Variants in PPP4R1 observed in about 807,000 individuals in gnomAD.
PPP4R1 encodes the protein protein phosphatase 4 regulatory subunit 1, also known as serine/threonine-protein phosphatase 4 regulatory subunit 1.
Under a neutral mutation model 111.2 loss-of-function variants are expected in PPP4R1, and 42 were observed. That is an observed-to-expected ratio of 0.38 (90% CI 0.29 to 0.49). The LOEUF (loss-of-function observed/expected upper bound fraction) is 0.49, where lower values mean the gene tolerates loss of function less well. PPP4R1 is among the 20% of genes least tolerant of loss of function. The probability of loss-of-function intolerance (pLI) is 0.97; values close to 1 mark genes in which losing one functional copy is unlikely to be tolerated. For missense variants in PPP4R1, 1,012 were observed against 1,161.6 expected (o/e 0.87, Z 1.87); for synonymous variants, 409 against 405.5 (o/e 1.01, Z -0.10).
At chr18:9,576,358 T>A (rs1456741641) in intron 10 of PPP4R1, among the ~76,000 whole-genome samples, 2 of 152,188 alleles carry the variant, frequency 1.3e-5, no homozygotes, top group Admixed American at 6.5e-5. Context: ...TCCCGCATAC[T>A]AGTAAGTTAG....
At chr18:9,612,403 A>T (rs1221252816) in intron 2 of PPP4R1, 1 of 152,132 alleles carries the variant, frequency 6.6e-6, no homozygotes, top group Non-Finnish European at 1.5e-5. Flanking sequence ...CTGCTTGTAA[A>T]CCACTAGAGG....
intron 14 of PPP4R1, among the ~76,000 whole-genome samples, chr18:9,557,658 C>G (rs978391455): frequency 2.6e-5 from 4 of 152,222 alleles, no homozygotes; most frequent in Non-Finnish European, 4.4e-5. Context: ...ACATTGGACC[C>G]TGGCTCTGAC....
At chr18:9,548,884 C>A (rs2066443212) in intron 19 of PPP4R1, among the ~76,000 whole-genome samples, 3 of 152,222 alleles carry the variant, frequency 2.0e-5, no homozygotes, top group South Asian at 4.1e-4. Context: ...CACCATTGCA[C>A]TCCAGCCTGG....
rs994397880 is a variant in PPP4R1 at position 9,571,670 on chromosome 18, T to C, written c.1047-987A>G. On this transcript the variant is annotated intron_variant, in intron 10 of 19. Coordinates refer to ENST00000400556, the MANE Select transcript of PPP4R1 (RefSeq NM_001042388.3). ...AGTTGTGCTTAGAAGAACCAATACA[T>C]GTTTATGGGGCTAAGGGGAAGAAAA... Among the ~76,000 whole-genome samples the C allele has an allele frequency of 3.9e-5, 6 of 152,168 alleles. No homozygotes were observed. The South Asian group carries it at 6.2e-4, about 16-fold the overall frequency.
At chr18:9,569,887 C>T (rs1272713088) in intron 11 of PPP4R1, among the ~76,000 whole-genome samples, 1 of 151,942 alleles carries the variant, frequency 6.6e-6, no homozygotes, top group East Asian at 1.9e-4. Context: ...GTTGCTAGGA[C>T]TACAAGCATG....
At chr18:9,601,769 C>T (rs1018655240) in intron 2 of PPP4R1, among the ~76,000 whole-genome samples, 6 of 151,994 alleles carry the variant, frequency 3.9e-5, no homozygotes, top group East Asian at 2.0e-4. Flanking sequence ...CTGGGATTAC[C>T]GGCGTGAGCC....
chr18:9,586,795 C>A (rs537021243), intron 6 of PPP4R1, among the ~76,000 whole-genome samples: 1 of 152,262 alleles, frequency 6.6e-6, no homozygotes, highest in African/African-American at 2.4e-5. Context: ...TATCACTTTT[C>A]TAATTTACCA....
intron 13 of PPP4R1, among the ~76,000 whole-genome samples, chr18:9,561,393 T>C (rs1024297533): frequency 1.3e-5 from 2 of 152,056 alleles, no homozygotes; most frequent in Non-Finnish European, 2.9e-5. Context: ...GGGTGTGGCA[T>C]GGACACTGTG....
intron 3 of PPP4R1, 66 bp from the exon 4 acceptor site, chr18:9,593,940 T>G: frequency 7.6e-7 from 1 of 1,321,682 alleles, no homozygotes; most frequent in South Asian, 1.2e-5. Context: ...GAATTTTAAT[T>G]TTTTGAGACA....
At chr18:9,601,177 T>C (rs1294697647) in intron 2 of PPP4R1, among the ~76,000 whole-genome samples, 1 of 151,188 alleles carries the variant, frequency 6.6e-6, no homozygotes, top group Non-Finnish European at 1.5e-5. Context: ...AATACAGTGT[T>C]CAAACCAGGT....
chr18:9,563,613 G>A, intron 11 of PPP4R1, 63 bp from the exon 12 acceptor site: 1 of 1,410,262 alleles, frequency 7.1e-7, no homozygotes, highest in Non-Finnish European at 9.6e-7. Context: ...TTACAAGGCT[G>A]TTCTCCATTT....
intron 2 of PPP4R1, among the ~76,000 whole-genome samples, chr18:9,600,817 A>G (rs58800301): frequency 0.17 from 25,147 of 152,106 alleles, 2,912 homozygotes; most frequent in African/African-American, 0.33. Context: ...GGAGGCAGAC[A>G]TTTCAGTAAG....
intron 8 of PPP4R1, among the ~76,000 whole-genome samples, chr18:9,583,587 G>A (rs894509640): frequency 2.0e-5 from 3 of 151,488 alleles, no homozygotes; most frequent in South Asian, 2.1e-4. Flanking sequence ...GGCTGGTCTC[G>A]AACTCCTGAC....
intron 2 of PPP4R1, among the ~76,000 whole-genome samples, chr18:9,604,360 C>T (rs1476675404): frequency 1.3e-5 from 2 of 152,150 alleles, no homozygotes; most frequent in Admixed American, 1.3e-4. Context: ...CACGCCCTCC[C>T]TCCCAATCCC....
At chr18:9,561,933 GGAA>G (rs778188545) in intron 13 of PPP4R1, 44 bp downstream of exon 13, 3 of 1,476,444 alleles carry the variant, frequency 2.0e-6, no homozygotes, top group East Asian at 4.6e-5. Flanking sequence ...CTCTAAAAGA[GGAA>G]TTAGGAACAC....
At chr18:9,597,290 C>G (rs1490618759) in intron 2 of PPP4R1, among the ~76,000 whole-genome samples, 1 of 152,196 alleles carries the variant, frequency 6.6e-6, no homozygotes, top group Non-Finnish European at 1.5e-5. Flanking sequence ...ATTTCCAGAG[C>G]ACTAGGAGGG....
chr18:9,570,763 A>G, intron 10 of PPP4R1, 80 bp from the exon 11 acceptor site: 1 of 1,407,242 alleles, frequency 7.1e-7, no homozygotes, highest in Non-Finnish European at 9.4e-7. Flanking sequence ...GATATTACAT[A>G]TAGCATTTAG....
Position 9,593,880 on chromosome 18 carries a change from C to CA in PPP4R1, c.189-7dup, listed in dbSNP as rs199660486. The CA allele has an allele frequency of 5.5e-4, 874 of 1,600,368 alleles. 1 individual carries two copies. The African/African-American group carries it at 7.8e-3, about 14-fold the overall frequency. On this transcript the variant is annotated splice_polypyrimidine_tract_variant and splice_region_variant and intron_variant, in intron 3 of 19. Transcript: ENST00000400556. ...AACTCCGGGCCACCATTTGTCTACACAAAAAAAACAAAATTATGTATGTTC... is the reference window on the plus strand; with the variant it reads ...AACTCCGGGCCACCATTTGTCTACACAAAAAAAAACAAAATTATGTATGTTC...
In PPP4R1 at chr18:9,583,202, G is replaced by A. The variant is rs182385365; in HGVS notation, c.833C>T (p.Ala278Val). ...VRKACAECFMAVSCATCQEIR... is the reference protein window; with the variant it reads ...VRKACAECFMVVSCATCQEIR... Reference sequence around the variant, plus strand: ...TTCTTGACATGTTGCACATGAAACCGCCATGAAGCATTCAGCACAAGCCTT... The same window carrying A: ...TTCTTGACATGTTGCACATGAAACCACCATGAAGCATTCAGCACAAGCCTT... Residue 278 changes from alanine (A) to valine (V), a missense_variant, in exon 9 of 20, where the codon GCG becomes GTG. Physicochemically the swap from Ala to Val is moderately conservative, Grantham distance 64. Around this residue, in one of 2 missense-constraint regions of PPP4R1, gnomAD observed 707 missense variants for 742.1 expected, o/e 0.95. Transcript: ENST00000400556. 206 of 1,611,136 alleles carry A rather than the reference G, an allele frequency of 1.3e-4. No homozygotes were observed. The East Asian group carries it at 3.6e-3, about 28-fold the overall frequency.
Sources: gnomAD v4.1 joint callset for allele counts (sites outside exome capture counted in the v4.1 genomes callset) on GRCh38, gnomAD v4.1.1 for gene constraint, gnomAD v4.1.1 regional missense constraint, MANE v1.5 for transcripts, NCBI Gene and HGNC (gene_info 2026-07-23, HGNC 2026-07-21) for gene names.